The following GOSR1 variants were observed in gnomAD, a reference collection of about 807,000 sequenced individuals.
The protein encoded by GOSR1 is golgi SNAP receptor complex member 1, also known as 28 kDa Golgi SNARE protein.
In GOSR1, 21 loss-of-function variants were observed where a neutral mutation model predicts 35.5. That is an observed-to-expected ratio of 0.59 (90% CI 0.42 to 0.85). The LOEUF (loss-of-function observed/expected upper bound fraction) is 0.85. Among genes scored for constraint, GOSR1 ranks in the 40% least tolerant of loss-of-function variants. The probability of loss-of-function intolerance (pLI) is 0.00; values close to 1 mark genes in which losing one functional copy is unlikely to be tolerated. For synonymous variants in GOSR1, 94 were observed against 106.6 expected (o/e 0.88, Z 0.73); for missense variants, 285 against 309.6 (o/e 0.92, Z 0.60).
rs532534859 is a variant in GOSR1, at chr17:30,522,985, C to T, written c.*607C>T. The T allele has an allele frequency of 1.9e-4, 39 of 210,774 alleles. 1 individual carries two copies. Among genetic ancestry groups the T allele is most frequent in the East Asian group, 8.2e-4 (5 of 6,116 alleles). The allele number at this position is 210,774 out of a possible 1,614,324, so 13.1% of individuals were successfully genotyped here. On this transcript the variant is annotated 3_prime_UTR_variant, in exon 9 of 9. Transcript: ENST00000451249. ...CGAGCGCCGCCACGCCTGACTGCCT[C>T]GGCCTCCCGAGGTGCCGGGATTGCA...
intron 6 of GOSR1, among the ~76,000 whole-genome samples, chr17:30,494,457 A>G (rs571984201): frequency 1.3e-5 from 2 of 152,156 alleles, no homozygotes; most frequent in Admixed American, 1.3e-4. Context: ...ATACATTCTC[A>G]TAGGGTTTTT....
chr17:30,477,899 AAG>A, intron 1 of GOSR1: 1 of 985,102 alleles, frequency 1.0e-6, no homozygotes, highest in Non-Finnish European at 1.2e-6. Flanking sequence ...TGAGTGGGAA[AAG>A]AGAAGGAGGA....
At chr17:30,499,498 C>T (rs754013671) in intron 6 of GOSR1, among the ~76,000 whole-genome samples, 20 of 152,148 alleles carry the variant, frequency 1.3e-4, no homozygotes, top group Non-Finnish European at 2.2e-4. Flanking sequence ...CATGCCACCA[C>T]GCCCAGCTAA....
intron 6 of GOSR1, among the ~76,000 whole-genome samples, chr17:30,502,379 CAT>C (rs1967242492): frequency 6.6e-6 from 1 of 152,172 alleles, no homozygotes; most frequent in African/African-American, 2.4e-5. Context: ...AGTTGTAACA[CAT>C]GTGGCACACT....
intron 6 of GOSR1, among the ~76,000 whole-genome samples, chr17:30,497,904 A>G (rs1967056693): frequency 6.6e-6 from 1 of 152,108 alleles, no homozygotes; most frequent in Non-Finnish European, 1.5e-5. Context: ...CCAAAAATAC[A>G]AAAATAAGCC....
chr17:30,505,275 C>T (rs1289468865), intron 6 of GOSR1, among the ~76,000 whole-genome samples: 1 of 152,086 alleles, frequency 6.6e-6, no homozygotes, highest in Non-Finnish European at 1.5e-5. Context: ...TGGCTTATGC[C>T]TGTGATTCCA....
chr17:30,519,921 C>A lies in GOSR1; in HGVS notation c.540-18C>A. The A allele has an allele frequency of 6.6e-7, 1 of 1,518,308 alleles. No homozygotes were observed. The highest frequency in any genetic ancestry group is 9.1e-7 in the Non-Finnish European group (1 of 1,094,556). The allele number at this position is 1,518,308 out of a possible 1,614,324, so 94.1% of individuals were successfully genotyped here. A position where few individuals can be genotyped will look rare whatever the true frequency, so the allele number is the denominator to read the frequency against. On this transcript the variant is annotated intron_variant, in intron 7 of 8. Coordinates refer to ENST00000451249, the MANE Select transcript of GOSR1 (RefSeq NM_001007025.2). ...ATAATCTTAAATGGTGATTTGTCAT[C>A]TTTTTTTCCCCTTGCAGCATTGCTA...
At chr17:30,504,778 G>GCGT (rs1967341214) in intron 6 of GOSR1, among the ~76,000 whole-genome samples, 1 of 152,140 alleles carries the variant, frequency 6.6e-6, no homozygotes, top group South Asian at 2.1e-4. Context: ...TTGTTCCTTA[G>GCGT]CGTCCATTTC....
intron 6 of GOSR1, among the ~76,000 whole-genome samples, chr17:30,496,519 C>G (rs1365281396): frequency 6.6e-6 from 1 of 152,152 alleles, no homozygotes; most frequent in Non-Finnish European, 1.5e-5. Context: ...TTTCCTGAGT[C>G]CCTCCAGATG....
chr17:30,510,882 C>G lies in GOSR1; in HGVS notation c.512C>G (p.Ser171Ter), dbSNP rs1437335124. 7.8e-6 allele frequency: 12 copies of G among 1,529,446 alleles called. No individual in the cohort carries two copies. In the Admixed American group the frequency reaches 2.1e-4, roughly 26 times the overall value. 94.7% of individuals were successfully genotyped at this position (1,529,446 alleles called of 1,614,324 possible). Residue 171 changes from serine (S) to a stop codon, truncating the protein, a stop_gained and splice_region_variant, in exon 7 of 9, where the codon TCA becomes TGA. Transcript: ENST00000451249. LOFTEE classifies it high-confidence loss of function. Reference protein sequence around the residue: ...FLKEHDHLRNSDRLIEETISI... With the variant: ...FLKEHDHLRN The stretch of plus-strand genomic sequence containing the variant: ...TGAATTTTTCTTTTTATTTGCAGCT[C>G]AGATCGTCTGATAGAAGAGACAATA...
chr17:30,521,799 C>T (rs1363989962), intron 8 of GOSR1, among the ~76,000 whole-genome samples: 1 of 152,118 alleles, frequency 6.6e-6, no homozygotes, highest in Non-Finnish European at 1.5e-5. Context: ...TCAGGCAGAA[C>T]TCCCCAGTCT....
At position 30,523,260 on chromosome 17, in the gene GOSR1, T is replaced by C. The variant is rs1968105179; in HGVS notation, c.*882T>C. On this transcript the variant is annotated 3_prime_UTR_variant, in exon 9 of 9. Transcript: ENST00000451249. ...CCATCTAGGAAGTGAGGAGCGTCTC[T>C]GCCCGGCCGCCCATCGTCTGAGATG... 1 of 175,710 alleles carries C rather than the reference T, an allele frequency of 5.7e-6. No individual in the cohort carries two copies. Among genetic ancestry groups the C allele is most frequent in the South Asian group, 1.0e-4 (1 of 9,812 alleles). The allele number at this position is 175,710 out of a possible 1,614,324, so 10.9% of individuals were successfully genotyped here. A position where few individuals can be genotyped will look rare whatever the true frequency, so the allele number is the denominator to read the frequency against.
At chr17:30,478,209 A>G (rs1392555865) in intron 1 of GOSR1, among the ~76,000 whole-genome samples, 1 of 152,252 alleles carries the variant, frequency 6.6e-6, no homozygotes, top group Non-Finnish European at 1.5e-5. Flanking sequence ...GAGCTTACAT[A>G]AAACTCATTC....
chr17:30,506,944 G>A (rs1427584555), intron 6 of GOSR1, among the ~76,000 whole-genome samples: 1 of 152,180 alleles, frequency 6.6e-6, no homozygotes, highest in African/African-American at 2.4e-5. Flanking sequence ...CAGCACATCT[G>A]TTTACCACAT....
chr17:30,525,060 A>G lies in GOSR1; in HGVS notation c.*2682A>G, dbSNP rs1968161227. 1 of 150,792 alleles carries G rather than the reference A, an allele frequency of 6.6e-6. No homozygotes were observed. The highest frequency in any genetic ancestry group is 2.4e-5 in the African/African-American group (1 of 40,960). The allele number at this position is 150,792 out of a possible 1,614,324, so 9.3% of individuals were successfully genotyped here. A position where few individuals can be genotyped will look rare whatever the true frequency, so the allele number is the denominator to read the frequency against. ...TTCATGACTTGTCTTACTGAACTAC[A>G]GCCTGGTTTGTAGACTTCCAACATC... On this transcript the variant is annotated 3_prime_UTR_variant, in exon 9 of 9. Coordinates refer to ENST00000451249, the MANE Select transcript of GOSR1 (RefSeq NM_001007025.2).
Position 30,484,706 on chromosome 17 carries a change from C to A in GOSR1, c.278C>A (p.Ala93Glu). ...NDKMAEYTNS[A>E]GVPSLNAALM... is the part of the protein sequence containing the mutation. ...AAAATGGCAGAATATACCAACAGTG[C>A]AGGTGTCCCCTCCTTGAATGCAGCC... The change falls in exon 4 of 9, where the codon GCA (alanine) becomes GAA (glutamate). Residue 93 changes from alanine to glutamate, a missense_variant. Around this residue, in one of 3 missense-constraint regions of GOSR1, gnomAD observed 9 missense variants for 27.4 expected, o/e 0.33. Coordinates refer to ENST00000451249, the MANE Select transcript of GOSR1 (RefSeq NM_001007025.2). 6.3e-7 allele frequency: 1 copy of A among 1,594,176 alleles called. No individual in the cohort carries two copies. Among genetic ancestry groups the A allele is most frequent in the Non-Finnish European group, 8.6e-7 (1 of 1,165,554 alleles).
rs1968201823 is a variant in GOSR1, at chr17:30,527,528, G to T, written c.*5150G>T. ...ATTGTGCCCTGATTATATTGTCAGG[G>T]TTATGTGAGGAAATGCTCATAAGCA... On this transcript the variant is annotated 3_prime_UTR_variant, in exon 9 of 9. Coordinates refer to ENST00000451249, the MANE Select transcript of GOSR1 (RefSeq NM_001007025.2). 2 of 152,134 alleles carry T rather than the reference G, an allele frequency of 1.3e-5. No individual in the cohort carries two copies. The highest frequency in any genetic ancestry group is 4.8e-5 in the African/African-American group (2 of 41,408). 9.4% of individuals were successfully genotyped at this position (152,134 alleles called of 1,614,324 possible).
intron 4 of GOSR1, among the ~76,000 whole-genome samples, chr17:30,487,791 G>A (rs1015996507): frequency 1.3e-4 from 20 of 151,646 alleles, no homozygotes; most frequent in Admixed American, 5.9e-4. Context: ...TTCTTGAGAC[G>A]GAGTCTCGCT....
intron 5 of GOSR1, 56 bp from the exon 6 acceptor site, chr17:30,492,623 A>G (rs1359921104): frequency 1.0e-6 from 1 of 978,018 alleles, no homozygotes; most frequent in Non-Finnish European, 1.6e-6. Flanking sequence ...AGGGTCAGTC[A>G]ATCTGATTTT....
Sources: gnomAD v4.1 joint callset for allele counts (sites outside exome capture counted in the v4.1 genomes callset) on GRCh38, gnomAD v4.1.1 for gene constraint, gnomAD v4.1.1 regional missense constraint, MANE v1.5 for transcripts, NCBI Gene and HGNC (gene_info 2026-07-23, HGNC 2026-07-21) for gene names.